MACF1: variants seen among roughly 807,000 people sequenced by gnomAD.
The protein encoded by MACF1 is microtubule-actin cross-linking factor 1.
MACF1 carries 193 observed loss-of-function variants against 854.8 expected under a neutral mutation model. The ratio of observed to expected loss-of-function variants is 0.23; its 90% CI spans 0.20 to 0.25. MACF1 has a LOEUF of 0.25. Ranked by LOEUF, MACF1 falls within the 10% of genes least tolerant of loss-of-function variation. The pLI, the probability that MACF1 is intolerant of heterozygous loss-of-function variation, is 1.00. For missense variants in MACF1, 7,722 were observed against 8,929.1 expected, an observed-to-expected ratio of 0.86 and a Z score of 5.45; for synonymous variants, 3,185 against 3,226.7, an observed-to-expected ratio of 0.99 and a Z score of 0.44.
rs1182748875 is a variant in MACF1, at chr1:39,232,765, T to TTTTG, written c.171+1534_171+1537dup. On this transcript the variant is annotated intron_variant, in intron 2 of 100. Coordinates refer to ENST00000564288, the MANE Select transcript of MACF1 (RefSeq NM_001394062.1). Reference sequence around the variant, plus strand: ...CTCTTTGTTTTTTTTTTTTTTTTTTTTTTGTTTGTTTGTTTCTTTGTTTGT... The same window carrying TTTTG: ...CTCTTTGTTTTTTTTTTTTTTTTTTTTTTGTTTGTTTGTTTGTTTCTTTGTTTGT... Among the ~76,000 whole-genome samples the TTTTG allele has an allele frequency of 6.1e-3, 840 of 138,164 alleles. 5 individuals are homozygous for TTTTG. The highest frequency in any genetic ancestry group is 8.8e-3 in the Admixed American group (121 of 13,762). 90.6% of individuals were successfully genotyped at this position (138,164 alleles called of 152,430 possible).
At position 39,332,153 on chromosome 1, in the gene MACF1, A is replaced by C; in HGVS notation, c.5565A>C (p.Glu1855Asp). Residue 1855 changes from glutamate (E) to aspartate (D), a missense_variant, in exon 37 of 101, where the codon GAA (glutamate) becomes GAC (aspartate). Glu to Asp is a conservative substitution (Grantham distance 45, BLOSUM62 2). Coordinates refer to ENST00000564288, the MANE Select transcript of MACF1 (RefSeq NM_001394062.1). ...LWSFMGLLWP[E>D]SGEILPITDA... The stretch of plus-strand genomic sequence containing the variant: ...CATTCATGGGGTTGCTGTGGCCTGA[A>C]TCTGGAGAGATCCTCCCAATTACAG... 6.2e-7 allele frequency: 1 copy of C among 1,614,134 alleles called. No individual in the cohort carries two copies. Among genetic ancestry groups the C allele is most frequent in the Non-Finnish European group, 8.5e-7 (1 of 1,180,022 alleles).
chr1:39,420,512 T>C (rs373009239), intron 58 of MACF1, among the ~76,000 whole-genome samples: 1 of 152,242 alleles, frequency 6.6e-6, no homozygotes, highest in African/African-American at 2.4e-5. Flanking sequence ...TAAGAAAATA[T>C]GGTATAATCA....
intron 49 of MACF1, among the ~76,000 whole-genome samples, chr1:39,362,253 C>T (rs1237376223): frequency 6.6e-6 from 1 of 152,222 alleles, no homozygotes; most frequent in Non-Finnish European, 1.5e-5. Context: ...GCTGTACCAG[C>T]ACACATTCCC....
chr1:39,426,829 T>C (rs967577727), intron 61 of MACF1, among the ~76,000 whole-genome samples: 2 of 151,896 alleles, frequency 1.3e-5, no homozygotes, highest in African/African-American at 4.8e-5. Context: ...AGGTTTTTTG[T>C]TTGTTTCTTT....
At position 39,318,662 on chromosome 1, in the gene MACF1, T is replaced by G. The variant is rs569777380; in HGVS notation, c.3945+47T>G. 5.3e-6 allele frequency: 8 copies of G among 1,510,056 alleles called. No homozygotes were observed. The South Asian group carries it at 1.0e-4, about 20-fold the overall frequency. 93.5% of individuals were successfully genotyped at this position (1,510,056 alleles called of 1,614,324 possible). A position where few individuals can be genotyped will look rare whatever the true frequency, so the allele number is the denominator to read the frequency against. ...GCGAGAAGAGTTAGAAATTTAAATT[T>G]TCTTTATCATAAAAGAAAATGATGT... On this transcript the variant is annotated intron_variant, in intron 30 of 100. Transcript: ENST00000564288.
intron 2 of MACF1, among the ~76,000 whole-genome samples, chr1:39,131,427 G>A (rs1643003441): frequency 6.6e-6 from 1 of 151,106 alleles, no homozygotes; most frequent in Admixed American, 6.6e-5. Flanking sequence ...TCCCACCTAA[G>A]CCTCCCAAAG....
chr1:39,120,001 A>G (rs1331869536), intron 2 of MACF1, among the ~76,000 whole-genome samples: 5 of 148,050 alleles, frequency 3.4e-5, no homozygotes, highest in African/African-American at 1.3e-4. Context: ...CTACTGCCTC[A>G]GCCTCCTGAG....
At chr1:39,338,989 A>G (rs763359776) in intron 38 of MACF1, among the ~76,000 whole-genome samples, 1 of 152,226 alleles carries the variant, frequency 6.6e-6, no homozygotes, top group African/African-American at 2.4e-5. Context: ...GAAAAAAAAC[A>G]TACTGAGGGC....
Position 39,406,756 on chromosome 1 carries a change from A to AAAAAAAAAAAAAAAC in MACF1, c.15817-15616_15817-15615insAAAAAAAAAAAACAA, listed in dbSNP as rs746955922. On this transcript the variant is annotated intron_variant, in intron 58 of 100. Coordinates refer to ENST00000564288, the MANE Select transcript of MACF1 (RefSeq NM_001394062.1). ...TCTCACTCAAAAAAAAAAAAAAAAA[A>AAAAAAAAAAAAAAAC]AACATTCTTTATAATAGAATAACCA... Among the ~76,000 whole-genome samples, 373 of 116,020 alleles carry AAAAAAAAAAAAAAAC rather than the reference A, an allele frequency of 3.2e-3. 52 individuals are homozygous for AAAAAAAAAAAAAAAC. Among genetic ancestry groups the AAAAAAAAAAAAAAAC allele is most frequent in the African/African-American group, 0.011 (297 of 26,052 alleles). The allele number at this position is 116,020 out of a possible 152,430, so 76.1% of individuals were successfully genotyped here.
chr1:39,336,760 A>G (rs1220623456), intron 37 of MACF1, 107 bp downstream of exon 37: 12 of 1,015,104 alleles, frequency 1.2e-5, no homozygotes, highest in Non-Finnish European at 1.7e-5. Context: ...ATGCCTCTAT[A>G]CATTTTAAGG....
intron 58 of MACF1, among the ~76,000 whole-genome samples, chr1:39,389,351 G>GTGTTT (rs1224973157): frequency 3.2e-5 from 2 of 63,472 alleles, no homozygotes; most frequent in African/African-American, 5.7e-5. Flanking sequence ...GTTTTTGTGT[G>GTGTTT]TTTTTTTTTT....
At chr1:39,359,329 A>G (rs1232545912) in intron 47 of MACF1, 65 bp downstream of exon 47, 9 of 1,558,876 alleles carry the variant, frequency 5.8e-6, no homozygotes, top group Non-Finnish European at 7.0e-6. Flanking sequence ...ATTCTGCAAT[A>G]TGTCACATTG....
At chr1:39,284,223 T>C (rs1261838476) in intron 10 of MACF1, 38 bp downstream of exon 10, 1 of 1,605,450 alleles carries the variant, frequency 6.2e-7, no homozygotes, top group South Asian at 1.1e-5. Flanking sequence ...GTAAAATCTT[T>C]CTAGGGAGTA....
intron 15 of MACF1, among the ~76,000 whole-genome samples, chr1:39,291,486 T>C (rs114326695): frequency 2.6e-5 from 4 of 152,362 alleles, no homozygotes; most frequent in East Asian, 3.8e-4. Flanking sequence ...TTTAAAATTA[T>C]CTTCCATTGG....
intron 31 of MACF1, among the ~76,000 whole-genome samples, chr1:39,321,656 A>G (rs893606482): frequency 6.6e-5 from 10 of 152,326 alleles, no homozygotes; most frequent in African/African-American, 2.2e-4. Flanking sequence ...GCCTTGTTCC[A>G]TTGTTGTGGC....
At chr1:39,453,077 T>C (rs1396700745) in intron 87 of MACF1, among the ~76,000 whole-genome samples, 1 of 152,126 alleles carries the variant, frequency 6.6e-6, no homozygotes, top group Non-Finnish European at 1.5e-5. Flanking sequence ...TTAAGAAAAA[T>C]GTTGACTATT....
intron 2 of MACF1, among the ~76,000 whole-genome samples, chr1:39,123,928 G>C (rs912017402): frequency 2.0e-5 from 3 of 151,634 alleles, no homozygotes; most frequent in East Asian, 3.9e-4. Context: ...GGGTTTCACT[G>C]TGTTGGCCAG....
At chr1:39,427,850 C>A in intron 62 of MACF1, 111 bp from the exon 63 acceptor site, 1 of 1,010,972 alleles carries the variant, frequency 9.9e-7, no homozygotes, top group Non-Finnish European at 1.4e-6. Flanking sequence ...GCCTTTCAGT[C>A]GGTGAGTTTT....
chr1:39,480,279 G>A (rs1644990293), intron 98 of MACF1, among the ~76,000 whole-genome samples: 1 of 152,106 alleles, frequency 6.6e-6, no homozygotes, highest in Non-Finnish European at 1.5e-5. Context: ...ATTTCCTCAT[G>A]TTCTCAGTTT....
Sources: gnomAD v4.1 joint callset for allele counts (sites outside exome capture counted in the v4.1 genomes callset) on GRCh38, gnomAD v4.1.1 for gene constraint, MANE v1.5 for transcripts, NCBI Gene and HGNC (gene_info 2026-07-23, HGNC 2026-07-21) for gene names.